KCNC1: variants seen among roughly 807,000 people sequenced by gnomAD.
KCNC1 encodes the protein potassium voltage-gated channel subfamily C member 1, also known as voltage-gated potassium channel KCNC1.
In KCNC1, 8 loss-of-function variants were observed where a neutral mutation model predicts 43.4. The ratio of observed to expected loss-of-function variants is 0.18; its 90% CI spans 0.11 to 0.33. The LOEUF (loss-of-function observed/expected upper bound fraction) is 0.33. KCNC1 is among the 10% of genes least tolerant of loss of function. The pLI is 1.00. For synonymous variants in KCNC1, 361 were observed against 360.5 expected (o/e 1.00, Z -0.01); for missense variants, 420 against 836.0 (o/e 0.50, Z 6.14).
Position 17,742,878 on chromosome 11 carries a change from G to A in KCNC1, c.570+6306G>A, listed in dbSNP as rs1287784323. On this transcript the variant is annotated intron_variant, in intron 1 of 3. Coordinates refer to ENST00000265969, the MANE Select transcript of KCNC1 (RefSeq NM_001112741.2). This position sits in a 1 kb window ranked among gnomAD's most constrained non-coding sequence, Gnocchi z 4.2. ...CAAGAACACCAAACCCCACCTGGGC[G>A]TGCTGTTCTTCTCTTATCTACTCCC... Among the ~76,000 whole-genome samples the A allele has an allele frequency of 3.3e-5, 5 of 152,238 alleles. No homozygotes were observed. Among genetic ancestry groups the A allele is most frequent in the African/African-American group, 4.8e-5 (2 of 41,516 alleles).
intron 1 of KCNC1, among the ~76,000 whole-genome samples, chr11:17,756,137 C>A (rs1031238451): frequency 6.6e-6 from 1 of 152,114 alleles, no homozygotes; most frequent in Non-Finnish European, 1.5e-5. Flanking sequence ...AATGTGCTTC[C>A]TTGCACCTTG....
intron 1 of KCNC1, among the ~76,000 whole-genome samples, chr11:17,770,577 C>T (rs1849213480): frequency 2.0e-5 from 3 of 152,180 alleles, no homozygotes; most frequent in South Asian, 2.1e-4. Context: ...TCTGTCTCCT[C>T]GGTACCCATG....
At position 17,777,971 on chromosome 11, in the gene KCNC1, C is replaced by T. The variant is rs1275653875; in HGVS notation, c.1505-1485C>T. Reference sequence around the variant, plus strand: ...ACAGGATCACGGGAGAGTGTTCAATCGGGTGGACATTGTCTCCAGCCTTTT... The same window carrying T: ...ACAGGATCACGGGAGAGTGTTCAATTGGGTGGACATTGTCTCCAGCCTTTT... On this transcript the variant is annotated intron_variant, in intron 2 of 3. Transcript: ENST00000265969. The surrounding 1 kb of genome is among the most constrained non-coding windows in gnomAD (Gnocchi z 4.3). The T allele has an allele frequency of 1.5e-5, 7 of 477,410 alleles. No homozygotes were observed. Among genetic ancestry groups the T allele is most frequent in the South Asian group, 8.9e-5 (1 of 11,232 alleles). 29.6% of individuals were successfully genotyped at this position (477,410 alleles called of 1,614,324 possible).
At position 17,776,418 on chromosome 11, in the gene KCNC1, C is replaced by T. The variant is rs1441870863; in HGVS notation, c.1505-3038C>T. 34 of 985,334 alleles carry T rather than the reference C, an allele frequency of 3.5e-5. No homozygotes were observed. In the South Asian group the frequency reaches 5.2e-4, roughly 15 times the overall value. 61.0% of individuals were successfully genotyped at this position (985,334 alleles called of 1,614,324 possible). ...GCCCCGCGTGCGCCCCTCCGGTGCC[C>T]GCAGCTGGTGTGAACAGTAAGTACT... On this transcript the variant is annotated intron_variant, in intron 2 of 3. Transcript: ENST00000265969. The surrounding 1 kb of genome is among the most constrained non-coding windows in gnomAD (Gnocchi z 4.4).
chr11:17,779,403 C>T lies in KCNC1; in HGVS notation c.1505-53C>T. ...CCGCTTCTGGCCTGTCCCCCCCTGC[C>T]CCCCACTAAACAGTTTTCAGTGTCT... On this transcript the variant is annotated intron_variant, in intron 2 of 3. Transcript: ENST00000265969. The surrounding 1 kb of genome is among the most constrained non-coding windows in gnomAD (Gnocchi z 7.2). 7.2e-7 allele frequency: 1 copy of T among 1,383,560 alleles called. No individual in the cohort carries two copies. Among genetic ancestry groups the T allele is most frequent in the Non-Finnish European group, 9.5e-7 (1 of 1,054,228 alleles). The allele number at this position is 1,383,560 out of a possible 1,614,324, so 85.7% of individuals were successfully genotyped here. A position where few individuals can be genotyped will look rare whatever the true frequency, so the allele number is the denominator to read the frequency against.
intron 1 of KCNC1, among the ~76,000 whole-genome samples, chr11:17,750,717 C>T (rs1447737573): frequency 6.6e-5 from 10 of 152,186 alleles, no homozygotes; most frequent in African/African-American, 1.2e-4. Flanking sequence ...TTGCTTATTC[C>T]GTTGCCTCCA....
At chr11:17,778,880 G>C (rs1849316192) in intron 2 of KCNC1, among the ~76,000 whole-genome samples, 1 of 151,346 alleles carries the variant, frequency 6.6e-6, no homozygotes. Flanking sequence ...ATGGGGGGTG[G>C]GGGTGGTGTG....
chr11:17,757,379 G>C (rs1445976332), intron 1 of KCNC1, among the ~76,000 whole-genome samples: 2 of 152,222 alleles, frequency 1.3e-5, no homozygotes, highest in African/African-American at 2.4e-5. Context: ...CCATCACAGG[G>C]AGGAAGAGGA....
At position 17,779,547 on chromosome 11, in the gene KCNC1, G is replaced by T. The variant is rs766470592; in HGVS notation, c.1596G>T (p.Leu532=). The T allele has an allele frequency of 1.9e-6, 3 of 1,551,546 alleles. No individual in the cohort carries two copies. Among genetic ancestry groups the T allele is most frequent in the South Asian group, 2.4e-5 (2 of 84,062 alleles). ...AGGCCCTCACTCCCGATGAGGGCCT[G>T]CCCTTTACGCGCTCGGGCACCCGCG... ...IDQALTPDEG[L]PFTRSGTRER... The change falls in exon 3 of 4, where the codon CTG becomes CTT. Residue 532 remains leucine (L), a synonymous_variant. Transcript: ENST00000265969. The surrounding 1 kb of genome is among the most constrained non-coding windows in gnomAD (Gnocchi z 7.2).
intron 1 of KCNC1, among the ~76,000 whole-genome samples, chr11:17,749,603 G>A (rs566294965): frequency 1.3e-5 from 2 of 152,238 alleles, no homozygotes; most frequent in East Asian, 1.9e-4. Flanking sequence ...TTGATGCTCA[G>A]CCTCAGGGGC....
At chr11:17,775,996 C>T in intron 2 of KCNC1, 1 of 985,288 alleles carries the variant, frequency 1.0e-6, no homozygotes, top group Non-Finnish European at 1.2e-6. Context: ...GGGGAGGGAG[C>T]TGGGCAGCGC....
At chr11:17,745,932 T>C (rs529504894) in intron 1 of KCNC1, among the ~76,000 whole-genome samples, 3 of 152,330 alleles carry the variant, frequency 2.0e-5, no homozygotes, top group Admixed American at 2.0e-4. Context: ...TTGTTTATTG[T>C]CTGTTTCCCC....
At position 17,739,435 on chromosome 11, in the gene KCNC1, T is replaced by A. The variant is rs1175930955; in HGVS notation, c.570+2863T>A. ...GACTCTGTGCGAGCTTCCTGAGTCC[T>A]TGTGTCAGGGGTTGTGTGTGTGAGA... On this transcript the variant is annotated intron_variant, in intron 1 of 3. Transcript: ENST00000265969. This position sits in a 1 kb window ranked among gnomAD's most constrained non-coding sequence, Gnocchi z 4.2. 6.9e-6 allele frequency among the ~76,000 whole-genome samples: 1 copy of A among 144,556 alleles called. No individual in the cohort carries two copies. Among genetic ancestry groups the A allele is most frequent in the Non-Finnish European group, 1.5e-5 (1 of 66,846 alleles). 94.8% of individuals were successfully genotyped at this position (144,556 alleles called of 152,430 possible). A position where few individuals can be genotyped will look rare whatever the true frequency, so the allele number is the denominator to read the frequency against.
chr11:17,746,337 G>A (rs755485881), intron 1 of KCNC1, among the ~76,000 whole-genome samples: 63 of 152,104 alleles, frequency 4.1e-4, no homozygotes, highest in Non-Finnish European at 7.8e-4. Flanking sequence ...TCTTCTCTGC[G>A]CTGCATCAGC....
Position 17,760,427 on chromosome 11 carries a change from G to T in KCNC1, c.571-11238G>T, listed in dbSNP as rs183028435. Among the ~76,000 whole-genome samples the T allele has an allele frequency of 3.3e-5, 5 of 152,264 alleles. No homozygotes were observed. In the East Asian group the frequency reaches 7.7e-4, roughly 23 times the overall value. Reference sequence around the variant, plus strand: ...TGGGAGAGGGTGAGAGGAGACCCCCGTTAGCCTCCGTATTTATTTACCATC... The same window carrying T: ...TGGGAGAGGGTGAGAGGAGACCCCCTTTAGCCTCCGTATTTATTTACCATC... On this transcript the variant is annotated intron_variant, in intron 1 of 3. Coordinates refer to ENST00000265969, the MANE Select transcript of KCNC1 (RefSeq NM_001112741.2).
Position 17,779,658 on chromosome 11 carries a change from G to A in KCNC1, c.1693+14G>A. 6.6e-7 allele frequency: 1 copy of A among 1,511,202 alleles called. No homozygotes were observed. 93.6% of individuals were successfully genotyped at this position (1,511,202 alleles called of 1,614,324 possible). On this transcript the variant is annotated intron_variant, in intron 3 of 3. Coordinates refer to ENST00000265969, the MANE Select transcript of KCNC1 (RefSeq NM_001112741.2). The surrounding 1 kb of genome is among the most constrained non-coding windows in gnomAD (Gnocchi z 7.2). ...GAATGAGAAAGGGTATGTAGAGGAA[G>A]CTGGAGCACCGTGCATCGTCCGGGC...
At position 17,771,772 on chromosome 11, in the gene KCNC1, C is replaced by A; in HGVS notation, c.678C>A (p.Asn226Lys). 2 of 1,614,268 alleles carry A rather than the reference C, an allele frequency of 1.2e-6. No individual in the cohort carries two copies. The highest frequency in any genetic ancestry group is 1.7e-6 in the Non-Finnish European group (2 of 1,180,042). Residue 226 changes from asparagine to lysine, a missense_variant, in exon 2 of 4, where the codon AAC becomes AAA. Coordinates refer to ENST00000265969, the MANE Select transcript of KCNC1 (RefSeq NM_001112741.2). This position sits in a 1 kb window ranked among gnomAD's most constrained non-coding sequence, Gnocchi z 4.7. The part of the protein sequence containing the change: ...NPIVNKTEIE[N>K]VRNGTQVRYY... ...TCGTGAACAAGACGGAGATCGAGAA[C>A]GTTCGCAATGGCACGCAAGTGCGCT...
intron 1 of KCNC1, among the ~76,000 whole-genome samples, chr11:17,745,497 C>T (rs1304874186): frequency 3.9e-5 from 6 of 152,298 alleles, no homozygotes; most frequent in East Asian, 3.9e-4. Flanking sequence ...TCTCTCAGCC[C>T]CAGCTGCCCC....
At chr11:17,765,300 G>A (rs555361196) in intron 1 of KCNC1, among the ~76,000 whole-genome samples, 3 of 152,180 alleles carry the variant, frequency 2.0e-5, no homozygotes, top group East Asian at 1.9e-4. Context: ...GAACAGCTCC[G>A]ATCCGAAAGG....
Sources: allele counts gnomAD v4.1 joint callset (sites outside exome capture counted in the v4.1 genomes callset), GRCh38; gene constraint gnomAD v4.1.1; non-coding constraint Gnocchi (gnomAD v3.1); transcripts MANE v1.5; gene names NCBI Gene and HGNC (gene_info 2026-07-23, HGNC 2026-07-21).